CBLB: variants seen among roughly 807,000 people sequenced by gnomAD.
CBLB encodes the protein Cbl proto-oncogene B.
In CBLB, 31 loss-of-function variants were observed where a neutral mutation model predicts 104.9. The ratio of observed to expected loss-of-function variants is 0.30; its 90% CI spans 0.22 to 0.40. CBLB has a LOEUF of 0.40. CBLB is among the 10% of genes least tolerant of loss of function. The pLI, the probability that CBLB is intolerant of heterozygous loss-of-function variation, is 1.00. For synonymous variants in CBLB, 440 were observed against 422.6 expected, an observed-to-expected ratio of 1.04 and a Z score of -0.51; for missense variants, 1,062 against 1,214.6, an observed-to-expected ratio of 0.87 and a Z score of 1.87.
At chr3:105,838,108 G>A (rs1229492651) in intron 3 of CBLB, among the ~76,000 whole-genome samples, 7 of 119,498 alleles carry the variant, frequency 5.9e-5, no homozygotes, top group African/African-American at 1.6e-4. Flanking sequence ...TCTGAGACAC[G>A]TTCTCACTCT....
chr3:105,863,712 G>A (rs2092263471), intron 2 of CBLB, among the ~76,000 whole-genome samples: 1 of 152,252 alleles, frequency 6.6e-6, no homozygotes, highest in East Asian at 1.9e-4. Flanking sequence ...TAAATAGACT[G>A]AGGGCAAAAG....
intron 3 of CBLB, among the ~76,000 whole-genome samples, chr3:105,792,759 T>A (rs1258375200): frequency 6.6e-6 from 1 of 152,156 alleles, no homozygotes; most frequent in Non-Finnish European, 1.5e-5. Context: ...GACTCACCTC[T>A]GCCTAATTCG....
intron 18 of CBLB, among the ~76,000 whole-genome samples, chr3:105,666,497 C>T (rs962147049): frequency 5.3e-5 from 8 of 151,988 alleles, no homozygotes; most frequent in African/African-American, 1.4e-4. Context: ...ACCAGCCTGG[C>T]CAACATGGTG....
At chr3:105,829,509 A>G (rs145273420) in intron 3 of CBLB, among the ~76,000 whole-genome samples, 2 of 151,952 alleles carry the variant, frequency 1.3e-5, no homozygotes, top group Non-Finnish European at 2.9e-5. Flanking sequence ...AAATTTAAAA[A>G]TCAGCCAGGC....
At chr3:105,770,581 C>A (rs1206614013) in intron 4 of CBLB, among the ~76,000 whole-genome samples, 1 of 152,088 alleles carries the variant, frequency 6.6e-6, no homozygotes, top group South Asian at 2.1e-4. Flanking sequence ...TCGAGTGGAA[C>A]AAATTCCCTT....
intron 10 of CBLB, among the ~76,000 whole-genome samples, chr3:105,710,870 A>C (rs1412688500): frequency 1.3e-5 from 2 of 152,010 alleles, no homozygotes; most frequent in Non-Finnish European, 2.9e-5. Context: ...CGAGGAACAG[A>C]GAAATCCACA....
intron 9 of CBLB, among the ~76,000 whole-genome samples, chr3:105,729,956 T>A (rs538211964): frequency 6.6e-6 from 1 of 152,252 alleles, no homozygotes; most frequent in South Asian, 2.1e-4. Context: ...AGACTGTATC[T>A]AAATGTAAAA....
intron 4 of CBLB, among the ~76,000 whole-genome samples, chr3:105,771,176 C>A (rs2078834459): frequency 6.6e-6 from 1 of 152,070 alleles, no homozygotes; most frequent in Non-Finnish European, 1.5e-5. Context: ...TCCAACAGCA[C>A]AACAAAAAAC....
intron 3 of CBLB, among the ~76,000 whole-genome samples, chr3:105,821,269 T>C (rs2085820448): frequency 6.7e-6 from 1 of 148,524 alleles, no homozygotes; most frequent in African/African-American, 2.5e-5. Flanking sequence ...TATATCTATC[T>C]ATCTATCTAT....
chr3:105,751,619 C>G lies in CBLB; in HGVS notation c.567-1G>C. ...GAATACTTTCCATGGTACGATAGTT[C>G]TGTGCAAGGTGGAAAAAAAGGGAAA... On this transcript the variant is annotated splice_acceptor_variant, in intron 4 of 18. Transcript: ENST00000394030. LOFTEE classifies it high-confidence loss of function. 1 of 1,612,738 alleles carries G rather than the reference C, an allele frequency of 6.2e-7. No homozygotes were observed.
intron 17 of CBLB, among the ~76,000 whole-genome samples, chr3:105,677,292 G>A (rs561521677): frequency 5.3e-5 from 8 of 150,378 alleles, no homozygotes; most frequent in South Asian, 4.2e-4. Flanking sequence ...CAAGTTGTAC[G>A]TCCATAACTT....
chr3:105,681,546 G>T lies in CBLB; in HGVS notation c.2361C>A (p.Asp787Glu), dbSNP rs770942290. 6.2e-7 allele frequency: 1 copy of T among 1,613,996 alleles called. No individual in the cohort carries two copies. The highest frequency in any genetic ancestry group is 1.1e-5 in the South Asian group (1 of 91,080). The change falls in exon 16 of 19, where the codon GAC (aspartate) becomes GAA (glutamate). Residue 787 changes from aspartate (D) to glutamate (E), a missense_variant. Transcript: ENST00000394030. ...TGAGTGAAGAACCATGCTTTGGATTGTCCCGAGTTGGAGGCCTGGCAGGTG... is the reference window on the plus strand; with the variant it reads ...TGAGTGAAGAACCATGCTTTGGATTTTCCCGAGTTGGAGGCCTGGCAGGTG... ...PLPPARPPTR[D>E]NPKHGSSLNR...
chr3:105,867,650 C>T, intron 1 of CBLB, 59 bp from the exon 2 acceptor site: 1 of 1,479,794 alleles, frequency 6.8e-7, no homozygotes, highest in South Asian at 1.1e-5. Context: ...ATTTACCCAC[C>T]AGAAAACTAG....
intron 9 of CBLB, 141 bp downstream of exon 9, chr3:105,733,868 C>A: frequency 1.5e-6 from 1 of 673,148 alleles, no homozygotes; most frequent in Non-Finnish European, 2.5e-6. Flanking sequence ...TTATATATAG[C>A]AACTCAAACA....
chr3:105,770,638 C>A (rs1037285647), intron 4 of CBLB, among the ~76,000 whole-genome samples: 1 of 152,108 alleles, frequency 6.6e-6, no homozygotes, highest in Non-Finnish European at 1.5e-5. Context: ...AAGTGTGCTG[C>A]AGACAGGAGC....
chr3:105,713,106 T>A (rs544260117), intron 10 of CBLB, among the ~76,000 whole-genome samples: 8 of 152,234 alleles, frequency 5.3e-5, no homozygotes, highest in African/African-American at 1.9e-4. Context: ...CCCATCTTTG[T>A]TAATTTACTT....
intron 6 of CBLB, among the ~76,000 whole-genome samples, chr3:105,742,409 G>A (rs778141982): frequency 1.3e-5 from 2 of 152,038 alleles, no homozygotes; most frequent in Non-Finnish European, 2.9e-5. Flanking sequence ...AAAAAAAGAA[G>A]TGATTTTTAA....
chr3:105,853,752 AT>A, intron 2 of CBLB, 88 bp from the exon 3 acceptor site: 1 of 869,662 alleles, frequency 1.1e-6, no homozygotes, highest in Admixed American at 2.6e-5. Context: ...CTATTTCTTC[AT>A]TTTTCCATAA....
intron 17 of CBLB, among the ~76,000 whole-genome samples, chr3:105,675,466 A>G (rs2065500955): frequency 6.6e-6 from 1 of 152,234 alleles, no homozygotes; most frequent in Admixed American, 6.5e-5. Flanking sequence ...CTCATTTATC[A>G]GCCAAAAAAA....
Sources: gnomAD v4.1 joint callset for allele counts (sites outside exome capture counted in the v4.1 genomes callset) on GRCh38, gnomAD v4.1.1 for gene constraint, MANE v1.5 for transcripts, NCBI Gene and HGNC (gene_info 2026-07-23, HGNC 2026-07-21) for gene names.